Variants in MACROD2 observed in about 807,000 individuals in gnomAD.
MACROD2 encodes mono-ADP ribosylhydrolase 2.
A neutral mutation model predicts 70.4 loss-of-function variants in MACROD2; 36 were observed. The ratio of observed to expected loss-of-function variants is 0.51; its 90% CI spans 0.39 to 0.68. The LOEUF is 0.68. MACROD2 is among the 30% of genes least tolerant of loss of function. MACROD2 has a pLI of 0.00. For synonymous variants in MACROD2, 172 were observed against 178.8 expected, an observed-to-expected ratio of 0.96 and a Z score of 0.30; for missense variants, 496 against 538.4, an observed-to-expected ratio of 0.92 and a Z score of 0.78.
intron 5 of MACROD2, among the ~76,000 whole-genome samples, chr20:15,109,475 A>G (rs1216367150): frequency 6.6e-6 from 1 of 152,178 alleles, no homozygotes; most frequent in Non-Finnish European, 1.5e-5. Context: ...TGGAAGAGGT[A>G]GGAAGCTAAA....
intron 8 of MACROD2, among the ~76,000 whole-genome samples, chr20:15,831,337 A>C (rs2064054088): frequency 6.6e-6 from 1 of 152,166 alleles, no homozygotes; most frequent in Non-Finnish European, 1.5e-5. Context: ...GTGCAGCTAA[A>C]GGCATTTTTC....
At chr20:15,137,809 C>T (rs1338686876) in intron 5 of MACROD2, among the ~76,000 whole-genome samples, 1 of 151,886 alleles carries the variant, frequency 6.6e-6, no homozygotes, top group African/African-American at 2.4e-5. Flanking sequence ...ATTAATCAAT[C>T]TTTTTCTCCC....
chr20:15,173,208 A>G (rs1346935117), intron 5 of MACROD2, among the ~76,000 whole-genome samples: 1 of 152,196 alleles, frequency 6.6e-6, no homozygotes, highest in Non-Finnish European at 1.5e-5. Flanking sequence ...TATCTAATAT[A>G]TAATTAATTT....
chr20:14,634,013 G>A (rs770521085), intron 4 of MACROD2, among the ~76,000 whole-genome samples: 9 of 152,096 alleles, frequency 5.9e-5, no homozygotes, highest in East Asian at 1.9e-4. Flanking sequence ...ATTTTGTAGC[G>A]TTATTTCTGA....
intron 4 of MACROD2, among the ~76,000 whole-genome samples, chr20:14,519,023 G>C (rs1600331868): frequency 6.6e-6 from 1 of 152,042 alleles, no homozygotes; most frequent in African/African-American, 2.4e-5. Context: ...TGAAAATACT[G>C]GTGACTTTAA....
intron 3 of MACROD2, among the ~76,000 whole-genome samples, chr20:14,383,876 T>C (rs1009362999): frequency 1.3e-5 from 2 of 152,140 alleles, no homozygotes; most frequent in African/African-American, 4.8e-5. Context: ...TTATTATGCT[T>C]GTATTTAATA....
intron 8 of MACROD2, among the ~76,000 whole-genome samples, chr20:15,527,643 A>G (rs943945026): frequency 2.0e-4 from 30 of 152,140 alleles, no homozygotes; most frequent in Non-Finnish European, 2.5e-4. Context: ...CATCAGTGTA[A>G]GGCTTCAGAA....
At chr20:15,523,611 A>G (rs2047681006) in intron 8 of MACROD2, among the ~76,000 whole-genome samples, 1 of 152,178 alleles carries the variant, frequency 6.6e-6, no homozygotes, top group Non-Finnish European at 1.5e-5. Flanking sequence ...GTCCTTAGTG[A>G]AACGGAGAGA....
intron 3 of MACROD2, among the ~76,000 whole-genome samples, chr20:14,130,982 T>C (rs1238675354): frequency 6.7e-6 from 1 of 149,490 alleles, no homozygotes; most frequent in Admixed American, 6.7e-5. Context: ...CAGACTGAAG[T>C]AGCTCAATCA....
At chr20:14,447,977 TG>T (rs1383328966) in intron 3 of MACROD2, among the ~76,000 whole-genome samples, 4 of 3,264 alleles carry the variant, frequency 1.2e-3, no homozygotes, top group Non-Finnish European at 8.6e-3. Flanking sequence ...CCCATGAAAA[TG>T]TGTGTGTGTG....
At chr20:15,359,515 ATAATTTCT>A (rs1225272753) in intron 6 of MACROD2, among the ~76,000 whole-genome samples, 5 of 151,580 alleles carry the variant, frequency 3.3e-5, no homozygotes, top group South Asian at 2.1e-4. Flanking sequence ...TATATACACA[ATAATTTCT>A]TAATTTATTA....
At chr20:14,137,551 A>C (rs192328904) in intron 3 of MACROD2, among the ~76,000 whole-genome samples, 6 of 152,318 alleles carry the variant, frequency 3.9e-5, no homozygotes, top group Admixed American at 2.0e-4. Flanking sequence ...TTTTTCAAAA[A>C]TGATGTCGTG....
chr20:15,176,049 T>C (rs893429046), intron 5 of MACROD2, among the ~76,000 whole-genome samples: 1 of 152,192 alleles, frequency 6.6e-6, no homozygotes, highest in African/African-American at 2.4e-5. Context: ...AGAGCAAAGT[T>C]GTGGCTGAGG....
chr20:15,652,429 G>C (rs967990380), intron 8 of MACROD2, among the ~76,000 whole-genome samples: 2 of 152,018 alleles, frequency 1.3e-5, no homozygotes. Context: ...TATTTCACAG[G>C]AGAACAGAAA....
intron 3 of MACROD2, among the ~76,000 whole-genome samples, chr20:14,443,845 C>G (rs2084153946): frequency 6.6e-6 from 1 of 152,076 alleles, no homozygotes; most frequent in African/African-American, 2.4e-5. Flanking sequence ...AATCACAGGT[C>G]CTGCCTTGCA....
intron 5 of MACROD2, among the ~76,000 whole-genome samples, chr20:14,957,494 C>A (rs2074547328): frequency 6.6e-6 from 1 of 152,124 alleles, no homozygotes; most frequent in Non-Finnish European, 1.5e-5. Context: ...GGAGCAGGAC[C>A]AGTTCACCAG....
chr20:15,585,503 TC>T (rs1205616380), intron 8 of MACROD2, among the ~76,000 whole-genome samples: 5 of 152,094 alleles, frequency 3.3e-5, no homozygotes, highest in Non-Finnish European at 7.4e-5. Flanking sequence ...GCCTGGAGCG[TC>T]CTTTTTACCA....
chr20:14,730,833 G>T (rs2071586964), intron 5 of MACROD2, among the ~76,000 whole-genome samples: 1 of 152,034 alleles, frequency 6.6e-6, no homozygotes, highest in Non-Finnish European at 1.5e-5. Flanking sequence ...AGGGAGATCA[G>T]GTTTAAAGTG....
At chr20:14,889,794 A>C (rs76567174) in intron 5 of MACROD2, among the ~76,000 whole-genome samples, 20,161 of 152,140 alleles carry the variant, frequency 0.13, 1,475 homozygotes, top group Middle Eastern at 0.25. Flanking sequence ...TGAATTGGGA[A>C]GCCAGTGCAG....
Sources: gnomAD v4.1 joint callset for allele counts (sites outside exome capture counted in the v4.1 genomes callset) on GRCh38, gnomAD v4.1.1 for gene constraint, MANE v1.5 for transcripts, NCBI Gene and HGNC (gene_info 2026-07-23, HGNC 2026-07-21) for gene names.